The following DCLK2 variants were observed in gnomAD, a reference collection of about 807,000 sequenced individuals.
DCLK2 encodes the protein serine/threonine-protein kinase DCLK2.
DCLK2 carries 31 observed loss-of-function variants against 78.4 expected under a neutral mutation model. That is an observed-to-expected ratio of 0.40 (90% confidence interval 0.30 to 0.53). DCLK2 has a LOEUF of 0.53. Ranked by LOEUF, DCLK2 falls within the 20% of genes least tolerant of loss-of-function variation. DCLK2 has a pLI of 0.61. For missense variants in DCLK2, 872 were observed against 973.7 expected (o/e 0.90, Z 1.39); for synonymous variants, 407 against 374.9 (o/e 1.09, Z -0.99).
chr4:150,129,231 A>G (rs1462595495), intron 2 of DCLK2, among the ~76,000 whole-genome samples: 1 of 152,164 alleles, frequency 6.6e-6, no homozygotes, highest in Non-Finnish European at 1.5e-5. Context: ...TGGTAACAAA[A>G]GAAAATAATA....
intron 5 of DCLK2, among the ~76,000 whole-genome samples, chr4:150,210,467 C>G (rs553754512): frequency 6.6e-6 from 1 of 152,268 alleles, no homozygotes; most frequent in Admixed American, 6.5e-5. Flanking sequence ...TTCCTGCCCT[C>G]TTCACATACT....
chr4:150,247,999 C>G (rs1743462947), intron 13 of DCLK2, among the ~76,000 whole-genome samples: 1 of 152,194 alleles, frequency 6.6e-6, no homozygotes, highest in African/African-American at 2.4e-5. Context: ...CAGGGATGAA[C>G]TTGTGAAACA....
chr4:150,249,103 G>A (rs564049837), intron 14 of DCLK2, among the ~76,000 whole-genome samples: 5 of 152,118 alleles, frequency 3.3e-5, no homozygotes, highest in South Asian at 4.2e-4. Context: ...TGCTCTCTTG[G>A]GCTAAATGAC....
At chr4:150,117,928 A>C (rs1404473442) in intron 2 of DCLK2, among the ~76,000 whole-genome samples, 1 of 152,214 alleles carries the variant, frequency 6.6e-6, no homozygotes, top group Non-Finnish European at 1.5e-5. Context: ...CCATCTTGGA[A>C]AAATTGTATA....
chr4:150,230,557 A>T (rs1401408913), intron 8 of DCLK2, among the ~76,000 whole-genome samples: 2 of 152,230 alleles, frequency 1.3e-5, no homozygotes, highest in Non-Finnish European at 2.9e-5. Context: ...TTTGCTTCAC[A>T]CGGAGGGAAA....
intron 5 of DCLK2, among the ~76,000 whole-genome samples, chr4:150,217,637 C>G (rs1438185803): frequency 2.6e-5 from 4 of 152,126 alleles, no homozygotes; most frequent in African/African-American, 7.2e-5. Context: ...TCTTCTTATC[C>G]CTTAAAACAG....
At chr4:150,187,756 G>A (rs1227736226) in intron 2 of DCLK2, among the ~76,000 whole-genome samples, 1 of 151,572 alleles carries the variant, frequency 6.6e-6, no homozygotes, top group Non-Finnish European at 1.5e-5. Context: ...TGTGAGATAT[G>A]TCCCTGTCCC....
chr4:150,213,751 T>G (rs1349540057), intron 5 of DCLK2, among the ~76,000 whole-genome samples: 1 of 152,250 alleles, frequency 6.6e-6, no homozygotes, highest in Non-Finnish European at 1.5e-5. Context: ...TATATAATCA[T>G]AAAACATGTT....
intron 2 of DCLK2, among the ~76,000 whole-genome samples, chr4:150,132,307 T>C (rs946008484): frequency 3.9e-5 from 6 of 152,210 alleles, no homozygotes; most frequent in Non-Finnish European, 4.4e-5. Context: ...AGTGCTGGAT[T>C]GTATGCCACA....
chr4:150,133,292 T>C (rs551645866), intron 2 of DCLK2, among the ~76,000 whole-genome samples: 2 of 147,946 alleles, frequency 1.4e-5, no homozygotes, highest in South Asian at 2.1e-4. Context: ...CACCTTGATG[T>C]GCACAGCGCA....
At chr4:150,187,803 C>CTTTT (rs11415812) in intron 2 of DCLK2, among the ~76,000 whole-genome samples, 3 of 137,586 alleles carry the variant, frequency 2.2e-5, no homozygotes, top group African/African-American at 5.4e-5. Flanking sequence ...CTCAGTTGTA[C>CTTTT]TTTTTTTTTT....
At chr4:150,199,086 A>G (rs776995909) in intron 4 of DCLK2, 1 of 1,595,448 alleles carries the variant, frequency 6.3e-7, no homozygotes, top group South Asian at 1.1e-5. Context: ...CAGGTGAGCC[A>G]TGACTATTGT....
At chr4:150,213,610 A>T (rs1355664943) in intron 5 of DCLK2, among the ~76,000 whole-genome samples, 12 of 152,064 alleles carry the variant, frequency 7.9e-5, no homozygotes, top group African/African-American at 2.9e-4. Flanking sequence ...TTTTTTTTTA[A>T]AAAAAAATTC....
intron 2 of DCLK2, among the ~76,000 whole-genome samples, chr4:150,122,835 C>T (rs1489584910): frequency 1.3e-5 from 2 of 152,216 alleles, no homozygotes; most frequent in Non-Finnish European, 2.9e-5. Flanking sequence ...GCTTTTTCAT[C>T]AGTACTCGCT....
intron 12 of DCLK2, among the ~76,000 whole-genome samples, chr4:150,246,010 A>G (rs970098122): frequency 2.0e-5 from 3 of 152,094 alleles, no homozygotes; most frequent in African/African-American, 7.2e-5. Context: ...CTTGCTCTTA[A>G]ATGTCATGAA....
intron 2 of DCLK2, among the ~76,000 whole-genome samples, chr4:150,175,147 TTA>T (rs1366729447): frequency 7.4e-6 from 1 of 135,160 alleles, no homozygotes; most frequent in African/African-American, 2.8e-5. Flanking sequence ...TATGTATATT[TTA>T]TATATATTTA....
Position 150,120,153 on chromosome 4 carries a change from G to A in DCLK2, c.756+17341G>A, listed in dbSNP as rs545984202. Among the ~76,000 whole-genome samples, 246 of 152,300 alleles carry A rather than the reference G, an allele frequency of 1.6e-3. 1 individual carries two copies. The highest frequency in any genetic ancestry group is 2.3e-3 in the Non-Finnish European group (159 of 68,028). On this transcript the variant is annotated intron_variant, in intron 2 of 15. Transcript: ENST00000296550. ...GAAAACAAGGACAGCTGCAAAGTCA[G>A]TATAGTATTTTAGGATGTATAACCG...
At position 150,175,052 on chromosome 4, in the gene DCLK2, T is replaced by A. The variant is rs28589915; in HGVS notation, c.757-18086T>A. 1.5e-3 allele frequency among the ~76,000 whole-genome samples: 41 copies of A among 27,774 alleles called. 6 individuals carry two copies. Among genetic ancestry groups the A allele is most frequent in the Non-Finnish European group, 2.9e-3 (37 of 12,924 alleles). The allele number at this position is 27,774 out of a possible 152,430, so 18.2% of individuals were successfully genotyped here. ...TATATATTTATATATATTTATATATTTATATATATATTTATATATATTTAT... is the reference window on the plus strand; with the variant it reads ...TATATATTTATATATATTTATATATATATATATATATTTATATATATTTAT... On this transcript the variant is annotated intron_variant, in intron 2 of 15. Transcript: ENST00000296550.
chr4:150,254,420 G>C (rs1744417002), intron 15 of DCLK2: 1 of 398,902 alleles, frequency 2.5e-6, no homozygotes, highest in Non-Finnish European at 4.4e-6. Context: ...GCTTCCCTCT[G>C]GCTAGGTCCA....
Sources: allele counts gnomAD v4.1 joint callset (sites outside exome capture counted in the v4.1 genomes callset), GRCh38; gene constraint gnomAD v4.1.1; transcripts MANE v1.5; gene names NCBI Gene and HGNC (gene_info 2026-07-23, HGNC 2026-07-21).